ARHGAP1: variants seen among roughly 807,000 people sequenced by gnomAD.
ARHGAP1 encodes the protein Rho GTPase activating protein 1.
ARHGAP1 carries 23 observed loss-of-function variants against 52.2 expected under a neutral mutation model. The ratio of observed to expected loss-of-function variants is 0.44; its 90% confidence interval spans 0.32 to 0.62. ARHGAP1 has a LOEUF of 0.62. Among genes scored for constraint, ARHGAP1 ranks in the 20% least tolerant of loss-of-function variants. The pLI is 0.05. For missense variants in ARHGAP1, 480 were observed against 560.9 expected (o/e 0.86, Z 1.46); for synonymous variants, 210 against 228.4 (o/e 0.92, Z 0.73).
Position 46,688,180 on chromosome 11 carries a change from G to A in ARHGAP1, c.310C>T (p.Leu104Phe), listed in dbSNP as rs755736243. ...PPSHQLDHSK[L>F]LGYLKHTLDQ... ...TTCCCAGCAGGTACTCACCCCAGGA[G>A]CTTGCTGTGGTCGAGCTGGTGGCTG... The change falls in exon 4 of 13, where the codon CTC becomes TTC. Residue 104 changes from leucine to phenylalanine, a missense_variant. By Grantham distance (22) the Leu-to-Phe change is conservative. Transcript: ENST00000311956. 25 of 1,613,496 alleles carry A rather than the reference G, an allele frequency of 1.5e-5. No individual in the cohort carries two copies. Among genetic ancestry groups the A allele is most frequent in the Non-Finnish European group, 2.5e-6 (3 of 1,179,678 alleles).
At chr11:46,695,892 C>T (rs1007066951) in intron 2 of ARHGAP1, 83 bp downstream of exon 2, 4 of 1,607,294 alleles carry the variant, frequency 2.5e-6, no homozygotes, top group Non-Finnish European at 3.4e-6. Context: ...CCCCATCCTG[C>T]CCTCCTGGCG....
At chr11:46,682,268 C>G in intron 4 of ARHGAP1, 86 bp from the exon 5 acceptor site, 1 of 1,550,224 alleles carries the variant, frequency 6.5e-7, no homozygotes, top group Non-Finnish European at 8.8e-7. Context: ...AGTCTCCCAC[C>G]ACGTCACAGC....
At chr11:46,688,314 G>A in intron 3 of ARHGAP1, 54 bp from the exon 4 acceptor site, 4 of 1,541,830 alleles carry the variant, frequency 2.6e-6, no homozygotes, top group South Asian at 1.1e-5. Flanking sequence ...CAAAAGAAGT[G>A]GGGTGAGGAA....
intron 2 of ARHGAP1, 57 bp downstream of exon 2, chr11:46,695,918 A>G (rs1176169785): frequency 1.2e-6 from 2 of 1,612,422 alleles, no homozygotes; most frequent in East Asian, 2.2e-5. Flanking sequence ...CTTCAGCAGA[A>G]GGAGTGCTTC....
Position 46,680,066 on chromosome 11 carries a change from G to A in ARHGAP1, c.898+139C>T, listed in dbSNP as rs1260395060. 1 of 1,120,576 alleles carries A rather than the reference G, an allele frequency of 8.9e-7. No homozygotes were observed. Among genetic ancestry groups the A allele is most frequent in the Non-Finnish European group, 1.3e-6 (1 of 760,896 alleles). 69.4% of individuals were successfully genotyped at this position (1,120,576 alleles called of 1,614,324 possible). Reference sequence around the variant, plus strand: ...TGAGGCAGCAGGCCTGGCAGAAGTAGGACTTATGTGACACCCAGAGCCACG... The same window carrying A: ...TGAGGCAGCAGGCCTGGCAGAAGTAAGACTTATGTGACACCCAGAGCCACG... On this transcript the variant is annotated intron_variant, in intron 10 of 12. Coordinates refer to ENST00000311956, the MANE Select transcript of ARHGAP1 (RefSeq NM_004308.5). The surrounding 1 kb of genome is among the most constrained non-coding windows in gnomAD (Gnocchi z 5.9).
intron 3 of ARHGAP1, among the ~76,000 whole-genome samples, chr11:46,689,321 A>C (rs187474069): frequency 4.3e-4 from 65 of 152,044 alleles, no homozygotes; most frequent in Non-Finnish European, 5.6e-4. Flanking sequence ...ACATGCATAG[A>C]GACAGGAAGC....
intron 4 of ARHGAP1, among the ~76,000 whole-genome samples, chr11:46,683,113 A>G (rs2064541367): frequency 7.2e-6 from 1 of 138,762 alleles, no homozygotes; most frequent in Non-Finnish European, 1.5e-5. Flanking sequence ...ATCACAGCTC[A>G]CCGCAGCCTT....
intron 3 of ARHGAP1, 189 bp downstream of exon 3, chr11:46,695,471 G>A: frequency 1.4e-6 from 1 of 695,850 alleles, no homozygotes; most frequent in Non-Finnish European, 2.6e-6. Flanking sequence ...AGAGTTCAAA[G>A]AGCAGAGCTG....
At position 46,688,215 on chromosome 11, in the gene ARHGAP1, C is replaced by G; in HGVS notation, c.275G>C (p.Arg92Pro). 6.2e-7 allele frequency: 1 copy of G among 1,614,034 alleles called. No homozygotes were observed. Among genetic ancestry groups the G allele is most frequent in the Non-Finnish European group, 8.5e-7 (1 of 1,179,990 alleles). The part of the protein sequence containing the change: ...GRKIIVFSAC[R>P]MPPSHQLDHS... Reference sequence around the variant, plus strand: ...GTCGAGCTGGTGGCTGGGGGGCATTCGACAGGCACTAAACACAATGATCTT... The same window carrying G: ...GTCGAGCTGGTGGCTGGGGGGCATTGGACAGGCACTAAACACAATGATCTT... Residue 92 changes from arginine to proline, a missense_variant, in exon 4 of 13, where the codon CGA becomes CCA. By Grantham distance (103) the Arg-to-Pro change is moderately radical (BLOSUM62 -2). Coordinates refer to ENST00000311956, the MANE Select transcript of ARHGAP1 (RefSeq NM_004308.5).
chr11:46,693,946 T>G (rs1362750726), intron 3 of ARHGAP1, among the ~76,000 whole-genome samples: 1 of 152,184 alleles, frequency 6.6e-6, no homozygotes, highest in Non-Finnish European at 1.5e-5. Context: ...AAGAACCCAC[T>G]GGGACTGAGC....
Position 46,677,717 on chromosome 11 carries a change from C to T in ARHGAP1, c.*1320G>A, listed in dbSNP as rs527446127. ...CTGGAATCCCAGCACTTTGGGAGGC[C>T]GAGGTGGGTGGATCATGAGGTCAGG... is the stretch of plus-strand genomic sequence containing the variant. On this transcript the variant is annotated 3_prime_UTR_variant, in exon 13 of 13. Transcript: ENST00000311956. The T allele has an allele frequency of 2.9e-5, 7 of 244,408 alleles. No individual in the cohort carries two copies. The highest frequency in any genetic ancestry group is 1.1e-4 in the South Asian group (3 of 28,226). The allele number at this position is 244,408 out of a possible 1,614,324, so 15.1% of individuals were successfully genotyped here. A position where few individuals can be genotyped will look rare whatever the true frequency, so the allele number is the denominator to read the frequency against.
Position 46,681,206 on chromosome 11 carries a change from G to T in ARHGAP1, c.536+87C>A. On this transcript the variant is annotated intron_variant, in intron 6 of 12. Transcript: ENST00000311956. The surrounding 1 kb of genome is among the most constrained non-coding windows in gnomAD (Gnocchi z 5.7). Reference sequence around the variant, plus strand: ...ACCCAGTTCAGACGGAAGCCCAGCCGCACCTGGTGGTCCCCAGGCTGCCCA... The same window carrying T: ...ACCCAGTTCAGACGGAAGCCCAGCCTCACCTGGTGGTCCCCAGGCTGCCCA... The T allele has an allele frequency of 6.5e-7, 1 of 1,533,740 alleles. No homozygotes were observed. Among genetic ancestry groups the T allele is most frequent in the Non-Finnish European group, 9.0e-7 (1 of 1,107,602 alleles).
chr11:46,683,922 G>A (rs1377316680), intron 4 of ARHGAP1, among the ~76,000 whole-genome samples: 3 of 152,246 alleles, frequency 2.0e-5, no homozygotes, highest in African/African-American at 7.2e-5. Context: ...TTACAGGCAT[G>A]AGCCACTGCG....
chr11:46,688,961 A>G (rs575017931), intron 3 of ARHGAP1, among the ~76,000 whole-genome samples: 1 of 151,784 alleles, frequency 6.6e-6, no homozygotes, highest in East Asian at 2.0e-4. Flanking sequence ...GTGCACACCT[A>G]TAGTCCCAGC....
At chr11:46,688,985 G>A (rs2064591952) in intron 3 of ARHGAP1, among the ~76,000 whole-genome samples, 1 of 151,556 alleles carries the variant, frequency 6.6e-6, no homozygotes, top group South Asian at 2.1e-4. Context: ...TGGGGAGGCT[G>A]AGGCAGGAAA....
chr11:46,684,826 G>C (rs1433290976), intron 4 of ARHGAP1, among the ~76,000 whole-genome samples: 2 of 152,050 alleles, frequency 1.3e-5, no homozygotes, highest in Non-Finnish European at 2.9e-5. Flanking sequence ...GGTGCCTCAC[G>C]CCTGTAATCC....
rs376845196 is a variant in ARHGAP1 at position 46,680,447 on chromosome 11, C to T, written c.820+40G>A. 5.2e-5 allele frequency: 84 copies of T among 1,608,832 alleles called. No homozygotes were observed. The Middle Eastern group carries it at 1.2e-3, about 22-fold the overall frequency. On this transcript the variant is annotated intron_variant, in intron 9 of 12. Coordinates refer to ENST00000311956, the MANE Select transcript of ARHGAP1 (RefSeq NM_004308.5). This position sits in a 1 kb window ranked among gnomAD's most constrained non-coding sequence, Gnocchi z 5.9. ...GCTTCCCCAGCTTCCTGAAGGGAGC[C>T]GGGAGACCTGGCTGGTGAGGAGGCA...
chr11:46,679,484 G>A lies in ARHGAP1; in HGVS notation c.1028-16C>T. ...TCATCAATGTCTATGAGGAAAGGAG[G>A]CCCGGGTTATAGGGGCCCTAGGCTG... On this transcript the variant is annotated splice_polypyrimidine_tract_variant and intron_variant, in intron 11 of 12. Transcript: ENST00000311956. The surrounding 1 kb of genome is among the most constrained non-coding windows in gnomAD (Gnocchi z 4.4). 6.2e-7 allele frequency: 1 copy of A among 1,613,410 alleles called. No homozygotes were observed. Among genetic ancestry groups the A allele is most frequent in the South Asian group, 1.1e-5 (1 of 91,062 alleles).
In ARHGAP1 at chr11:46,681,965, G is replaced by A. The variant is rs1232351475; in HGVS notation, c.449+86C>T. On this transcript the variant is annotated intron_variant, in intron 5 of 12. Transcript: ENST00000311956. This position sits in a 1 kb window ranked among gnomAD's most constrained non-coding sequence, Gnocchi z 5.7. ...CCCGCCACCCCCTGCCTTGGAATAA[G>A]CTCCTGCCCAAGTGGAGGGCAGCCC... 3 of 1,576,150 alleles carry A rather than the reference G, an allele frequency of 1.9e-6. No individual in the cohort carries two copies. The South Asian group carries it at 3.4e-5, about 18-fold the overall frequency.
Sources: allele counts gnomAD v4.1 joint callset (sites outside exome capture counted in the v4.1 genomes callset), GRCh38; gene constraint gnomAD v4.1.1; non-coding constraint Gnocchi (gnomAD v3.1); transcripts MANE v1.5; gene names NCBI Gene and HGNC (gene_info 2026-07-23, HGNC 2026-07-21).